ARLN: variants seen among roughly 807,000 people sequenced by gnomAD.
ARLN encodes sarcoplasmic/endoplasmic reticulum calcium ATPase regulator ARLN.
At chr4:119,300,520 G>C in the ARLN span, 4 of 1,614,030 alleles carry the variant, frequency 2.5e-6, no homozygotes, top group East Asian at 4.5e-5. Flanking sequence ...TCAACACCCG[G>C]TGCGTCCACC....
At chr4:119,296,854 A>T in the ARLN span, 8 of 152,184 alleles carry the variant, frequency 5.3e-5, no homozygotes, top group African/African-American at 1.4e-4. Flanking sequence ...CTTCACACCA[A>T]GATCTCTCCA....
At chr4:119,300,360 A>G in the ARLN span, 1 of 1,611,808 alleles carries the variant, frequency 6.2e-7, no homozygotes, top group East Asian at 2.2e-5. Flanking sequence ...CACAAAGAGA[A>G]ACACCACCAC....
chr4:119,304,272 G>T, the ARLN span: 1 of 1,536,420 alleles, frequency 6.5e-7, no homozygotes, highest in Admixed American at 2.0e-5. Flanking sequence ...CATTTAACTT[G>T]TCTCCACCTT....
chr4:119,304,430 T>C, the ARLN span: 1 of 1,530,022 alleles, frequency 6.5e-7, no homozygotes, highest in Non-Finnish European at 8.7e-7. Context: ...ATGGGGCTAT[T>C]TATTAGACTG....
the ARLN span, among the ~76,000 whole-genome samples, chr4:119,301,236 T>C: frequency 9.8e-6 from 1 of 101,630 alleles, no homozygotes; most frequent in African/African-American, 3.8e-5. Context: ...AAATCCCGTC[T>C]CTACTAAAAA....
chr4:119,303,766 C>T, the ARLN span, among the ~76,000 whole-genome samples: 1 of 152,252 alleles, frequency 6.6e-6, no homozygotes, highest in Non-Finnish European at 1.5e-5. Context: ...CACCTGTAGT[C>T]CTAGCTACTC....
At chr4:119,296,759 C>G in the ARLN span, 2 of 152,176 alleles carry the variant, frequency 1.3e-5, no homozygotes, top group Non-Finnish European at 2.9e-5. Flanking sequence ...GATTCAAATG[C>G]TAATCTCTTC....
chr4:119,300,675 G>A, the ARLN span: 1 of 1,544,148 alleles, frequency 6.5e-7, no homozygotes, highest in Middle Eastern at 1.7e-4. Context: ...AATGCACTCT[G>A]AACCTACTCT....
At chr4:119,298,928 T>C in the ARLN span, 1 of 358,090 alleles carries the variant, frequency 2.8e-6, no homozygotes, top group Non-Finnish European at 5.1e-6. Context: ...GTTCAGGTCA[T>C]AAAAACACAC....
the ARLN span, among the ~76,000 whole-genome samples, chr4:119,303,855 G>A: frequency 1.3e-5 from 2 of 152,216 alleles, no homozygotes; most frequent in East Asian, 3.9e-4. Context: ...CAGCCTTGAT[G>A]ACAGAGCCAG....
the ARLN span, chr4:119,300,629 G>T: frequency 6.3e-7 from 1 of 1,589,198 alleles, no homozygotes; most frequent in African/African-American, 1.3e-5. Context: ...AGCGGAGTCC[G>T]GCCGCCTGCG....
the ARLN span, among the ~76,000 whole-genome samples, chr4:119,304,034 C>T: frequency 1.3e-5 from 2 of 152,234 alleles, no homozygotes; most frequent in Admixed American, 1.3e-4. Context: ...ACATTCTTTG[C>T]TCCAGTCAGA....
the ARLN span, among the ~76,000 whole-genome samples, chr4:119,303,296 C>T: frequency 1.4e-5 from 2 of 143,792 alleles, no homozygotes; most frequent in Non-Finnish European, 3.0e-5. Flanking sequence ...TGCAATGGTG[C>T]GATCTTGGCT....
chr4:119,299,009 C>T, the ARLN span, among the ~76,000 whole-genome samples: 1 of 152,066 alleles, frequency 6.6e-6, no homozygotes, highest in African/African-American at 2.4e-5. Flanking sequence ...TAAAACTCTC[C>T]CTTTACAAAT....
At chr4:119,302,583 T>C in the ARLN span, among the ~76,000 whole-genome samples, 2 of 152,260 alleles carry the variant, frequency 1.3e-5, no homozygotes, top group East Asian at 3.8e-4. Context: ...TAAAAAGTAC[T>C]GTACTGAAAT....
the ARLN span, chr4:119,300,467 T>C: frequency 1.2e-6 from 2 of 1,614,116 alleles, no homozygotes; most frequent in African/African-American, 2.7e-5. Flanking sequence ...TCTGCCTCCC[T>C]CCCTCGCTAA....
chr4:119,304,181 C>A, the ARLN span: 1 of 1,256,154 alleles, frequency 8.0e-7, no homozygotes, highest in Middle Eastern at 2.6e-4. Flanking sequence ...TAAGTGCCAA[C>A]TTCATAAAAT....
chr4:119,302,530 C>T, the ARLN span, among the ~76,000 whole-genome samples: 1 of 152,184 alleles, frequency 6.6e-6, no homozygotes, highest in South Asian at 2.1e-4. Context: ...CATGAGCCAC[C>T]TTGCTCAGTT....
chr4:119,300,717 C>T, the ARLN span: 6 of 1,525,340 alleles, frequency 3.9e-6, no homozygotes, highest in Non-Finnish European at 5.3e-6. Context: ...CTCGGCTTTC[C>T]GCTGCCTCCG....
Sources: gnomAD v4.1 joint callset for allele counts (sites outside exome capture counted in the v4.1 genomes callset) on GRCh38, gnomAD v4.1.1 for gene constraint, MANE v1.5 for transcripts, NCBI Gene and HGNC (gene_info 2026-07-23, HGNC 2026-07-21) for gene names.